The following FAM20C variants were observed in gnomAD, a reference collection of about 807,000 sequenced individuals.
FAM20C encodes the protein FAM20C golgi associated secretory pathway kinase.
A neutral mutation model predicts 51.5 loss-of-function variants in FAM20C; 40 were observed. The ratio of observed to expected loss-of-function variants is 0.78; its 90% confidence interval spans 0.60 to 1.01. The LOEUF (loss-of-function observed/expected upper bound fraction) is 1.01. Among genes scored for constraint, FAM20C ranks in the 50% least tolerant of loss-of-function variants. The probability of loss-of-function intolerance (pLI) is 0.00; values close to 1 mark genes in which losing one functional copy is unlikely to be tolerated. For missense variants in FAM20C, 861 were observed against 844.7 expected, an observed-to-expected ratio of 1.02 and a Z score of -0.24; for synonymous variants, 406 against 380.6, an observed-to-expected ratio of 1.07 and a Z score of -0.78.
chr7:227,296 C>T (rs779338488), intron 3 of FAM20C, among the ~76,000 whole-genome samples: 2 of 151,986 alleles, frequency 1.3e-5, no homozygotes, highest in East Asian at 1.9e-4. Flanking sequence ...TCATTTTCCT[C>T]GTACTGGGGA....
intron 3 of FAM20C, among the ~76,000 whole-genome samples, chr7:209,628 T>G (rs1303778487): frequency 6.6e-6 from 1 of 152,176 alleles, no homozygotes; most frequent in Admixed American, 6.5e-5. Context: ...TGTGGACACC[T>G]GGCCACCCCA....
At chr7:253,745 C>T (rs1394104603) in intron 5 of FAM20C, among the ~76,000 whole-genome samples, 1 of 143,566 alleles carries the variant, frequency 7.0e-6, no homozygotes, top group Admixed American at 6.9e-5. Context: ...CGGGAGGCCC[C>T]TTTAATACCC....
At chr7:217,413 T>G (rs1787045248) in intron 3 of FAM20C, among the ~76,000 whole-genome samples, 3 of 152,358 alleles carry the variant, frequency 2.0e-5, no homozygotes, top group African/African-American at 2.4e-5. Flanking sequence ...GTGCCCCCCT[T>G]TAGGGTAGAG....
intron 5 of FAM20C, among the ~76,000 whole-genome samples, chr7:253,914 C>G (rs955636464): frequency 7.9e-5 from 12 of 152,244 alleles, no homozygotes; most frequent in African/African-American, 2.9e-4. Context: ...AGATTTTCCT[C>G]CTGAAATGGA....
chr7:258,496 C>T (rs1788738322), intron 8 of FAM20C, 150 bp from the exon 9 acceptor site: 1 of 656,376 alleles, frequency 1.5e-6, no homozygotes, highest in African/African-American at 1.8e-5. Context: ...GGGATGGACC[C>T]ACTGCCCGGG....
At chr7:246,758 G>C (rs1170967699) in intron 4 of FAM20C, among the ~76,000 whole-genome samples, 1 of 151,990 alleles carries the variant, frequency 6.6e-6, no homozygotes, top group African/African-American at 2.4e-5. Flanking sequence ...CCTGAGCAGG[G>C]CCCTCTGTGT....
rs1232380605 is a variant in FAM20C, at chr7:193,375, G to T, written c.176G>T (p.Gly59Val). 1 of 1,295,952 alleles carries T rather than the reference G, an allele frequency of 7.7e-7. No individual in the cohort carries two copies. 80.3% of individuals were successfully genotyped at this position (1,295,952 alleles called of 1,614,324 possible). Reference protein sequence around the residue: ...AQPAAEVAAPGWAQVRGRPGE... With the variant: ...AQPAAEVAAPVWAQVRGRPGE... ...CCCGCCGCCGAGGTGGCCGCGCCCGGCTGGGCCCAGGTTCGGGGCCGCCCC... is the reference window on the plus strand; with the variant it reads ...CCCGCCGCCGAGGTGGCCGCGCCCGTCTGGGCCCAGGTTCGGGGCCGCCCC... The change falls in exon 1 of 10, where the codon GGC becomes GTC. Residue 59 changes from glycine to valine, a missense_variant. Coordinates refer to ENST00000313766, the MANE Select transcript of FAM20C (RefSeq NM_020223.4).
chr7:229,557 T>A (rs1266578866), intron 3 of FAM20C: 1 of 152,256 alleles, frequency 6.6e-6, no homozygotes, highest in Non-Finnish European at 1.5e-5. Context: ...GAATGACAGA[T>A]GGGGGATGAG....
intron 3 of FAM20C, among the ~76,000 whole-genome samples, chr7:235,049 T>C (rs1787808551): frequency 6.6e-6 from 1 of 152,176 alleles, no homozygotes. Flanking sequence ...TCCCTGTGTG[T>C]TGAAAATGAG....
intron 5 of FAM20C, among the ~76,000 whole-genome samples, chr7:253,926 C>T (rs926759135): frequency 2.0e-5 from 3 of 152,252 alleles, no homozygotes; most frequent in Admixed American, 6.5e-5. Flanking sequence ...TGAAATGGAG[C>T]TCCTGCCCCG....
At position 208,973 on chromosome 7, in the gene FAM20C, T is replaced by A. The variant is rs1194558080; in HGVS notation, c.860T>A (p.Met287Lys). The A allele has an allele frequency of 6.3e-7, 1 of 1,579,588 alleles. No homozygotes were observed. The highest frequency in any genetic ancestry group is 8.6e-7 in the Non-Finnish European group (1 of 1,162,908). The change falls in exon 3 of 10, where the codon ATG becomes AAG. Residue 287 changes from methionine to lysine, a missense_variant. Physicochemically the swap from Met to Lys is moderately conservative, Grantham distance 95. This residue lies in a region of FAM20C where 561 missense variants were observed against 499.8 expected (regional missense o/e 1.12). Coordinates refer to ENST00000313766, the MANE Select transcript of FAM20C (RefSeq NM_020223.4). ...TACGGGCAAGCGCTGTTCAAACCCA[T>A]GAAGTAAGTGCCGAGGCCTGTGGGC... is the stretch of plus-strand genomic sequence containing the variant. The part of the protein sequence containing the change: ...QNYGQALFKP[M>K]KQTREQETPP...
intron 3 of FAM20C, among the ~76,000 whole-genome samples, chr7:241,025 G>T (rs897149824): frequency 6.6e-6 from 1 of 152,188 alleles, no homozygotes; most frequent in South Asian, 2.1e-4. Flanking sequence ...TGAGGTTTCT[G>T]CACTGATTGG....
intron 2 of FAM20C, among the ~76,000 whole-genome samples, chr7:205,810 C>T (rs565819183): frequency 3.9e-5 from 6 of 152,148 alleles, no homozygotes; most frequent in Non-Finnish European, 5.9e-5. Flanking sequence ...TCAGTGTCCT[C>T]GGGAAGCATC....
intron 1 of FAM20C, 151 bp from the exon 2 acceptor site, chr7:195,403 G>A: frequency 1.6e-6 from 1 of 612,786 alleles, no homozygotes; most frequent in Non-Finnish European, 2.5e-6. Flanking sequence ...CGCAGACGTT[G>A]CAGGGCCCTC....
Position 216,675 on chromosome 7 carries a change from G to T in FAM20C, c.863+7699G>T, listed in dbSNP as rs1156233159. 5.7e-5 allele frequency among the ~76,000 whole-genome samples: 5 copies of T among 87,086 alleles called. No individual in the cohort carries two copies. In the Admixed American group the frequency reaches 7.1e-4, roughly 12 times the overall value. 57.1% of individuals were successfully genotyped at this position (87,086 alleles called of 152,430 possible). A position where few individuals can be genotyped will look rare whatever the true frequency, so the allele number is the denominator to read the frequency against. On this transcript the variant is annotated intron_variant, in intron 3 of 9. Coordinates refer to ENST00000313766, the MANE Select transcript of FAM20C (RefSeq NM_020223.4). ...TGAGTGTGTGTGTGAGAGACAGAGT[G>T]TGTGTGAGAGTGTGTGTGTGTGTGA...
Position 246,491 on chromosome 7 carries a change from G to A in FAM20C, c.940G>A (p.Ala314Thr). 1.8e-6 allele frequency: 2 copies of A among 1,121,938 alleles called. No individual in the cohort carries two copies. Among genetic ancestry groups the A allele is most frequent in the Non-Finnish European group, 2.3e-6 (2 of 868,764 alleles). 69.5% of individuals were successfully genotyped at this position (1,121,938 alleles called of 1,614,324 possible). A position where few individuals can be genotyped will look rare whatever the true frequency, so the allele number is the denominator to read the frequency against. Reference sequence around the variant, plus strand: ...CGAGAGGCACAATGCGGAGATTGCTGCCTTCCACCTGGACAGGTGAGCCCT... The same window carrying A: ...CGAGAGGCACAATGCGGAGATTGCTACCTTCCACCTGGACAGGTGAGCCCT... Reference protein sequence around the residue: ...DYERHNAEIAAFHLDRILDFR... With the variant: ...DYERHNAEIATFHLDRILDFR... The change falls in exon 4 of 10, where the codon GCC becomes ACC. Residue 314 changes from alanine (A) to threonine (T), a missense_variant. By Grantham distance (58) the Ala-to-Thr change is moderately conservative. Transcript: ENST00000313766.
At chr7:259,607 T>A in intron 9 of FAM20C, 124 bp from the exon 10 acceptor site, 2 of 1,212,122 alleles carry the variant, frequency 1.7e-6, no homozygotes, top group Non-Finnish European at 2.2e-6. Flanking sequence ...TCTGTCTCTG[T>A]CCCCCTCTTT....
At chr7:226,052 C>T (rs544897857) in intron 3 of FAM20C, among the ~76,000 whole-genome samples, 1 of 152,158 alleles carries the variant, frequency 6.6e-6, no homozygotes, top group South Asian at 2.1e-4. Flanking sequence ...TTCCATGAGA[C>T]CGGATGGGAG....
chr7:207,766 A>G (rs1466795977), intron 2 of FAM20C, among the ~76,000 whole-genome samples: 2 of 151,670 alleles, frequency 1.3e-5, no homozygotes, highest in Non-Finnish European at 1.5e-5. Flanking sequence ...ACAATCTCCC[A>G]TCTCGGGCGA....
Sources: gnomAD v4.1 joint callset for allele counts (sites outside exome capture counted in the v4.1 genomes callset) on GRCh38, gnomAD v4.1.1 for gene constraint, gnomAD v4.1.1 regional missense constraint, MANE v1.5 for transcripts, NCBI Gene and HGNC (gene_info 2026-07-23, HGNC 2026-07-21) for gene names.